The following RGS6 variants were observed in gnomAD, a reference collection of about 807,000 sequenced individuals.
RGS6 encodes the protein regulator of G protein signaling 6, also known as regulator of G-protein signaling 6.
In RGS6, 30 loss-of-function variants were observed where a neutral mutation model predicts 78.5. That is an observed-to-expected ratio of 0.38 (90% confidence interval 0.29 to 0.52). RGS6 has a LOEUF of 0.52. Among genes scored for constraint, RGS6 ranks in the 20% least tolerant of loss-of-function variants. RGS6 has a pLI of 0.85. For synonymous variants in RGS6, 206 were observed against 206.0 expected, an observed-to-expected ratio of 1.00 and a Z score of 0.00; for missense variants, 495 against 609.7, an observed-to-expected ratio of 0.81 and a Z score of 1.98.
chr14:72,222,627 G>C (rs1303119069), intron 2 of RGS6, among the ~76,000 whole-genome samples: 1 of 152,196 alleles, frequency 6.6e-6, no homozygotes, highest in African/African-American at 2.4e-5. Flanking sequence ...AAAACAAAAA[G>C]TCATTGATTC....
At chr14:72,399,318 A>G (rs1488757018) in intron 3 of RGS6, among the ~76,000 whole-genome samples, 2 of 151,724 alleles carry the variant, frequency 1.3e-5, no homozygotes, top group African/African-American at 4.9e-5. Flanking sequence ...ATCTTTGTTG[A>G]TTTAAAGTCT....
chr14:72,536,815 C>T (rs911538235), intron 16 of RGS6, among the ~76,000 whole-genome samples: 1 of 152,164 alleles, frequency 6.6e-6, no homozygotes, highest in African/African-American at 2.4e-5. Flanking sequence ...CCCTTCCTCT[C>T]CCGCACCTGC....
intron 2 of RGS6, among the ~76,000 whole-genome samples, chr14:72,308,023 T>C (rs1388755427): frequency 6.6e-6 from 1 of 152,212 alleles, no homozygotes; most frequent in African/African-American, 2.4e-5. Context: ...TTAAGGCTGC[T>C]GATTTCTAGA....
chr14:72,126,209 G>A (rs190150262), intron 2 of RGS6, among the ~76,000 whole-genome samples: 19 of 152,310 alleles, frequency 1.2e-4, no homozygotes, highest in Non-Finnish European at 2.6e-4. Context: ...TACTTCACAT[G>A]CTAACTTGTT....
At chr14:72,458,646 TAAAC>T (rs1301130713) in intron 5 of RGS6, among the ~76,000 whole-genome samples, 1 of 152,178 alleles carries the variant, frequency 6.6e-6, no homozygotes, top group African/African-American at 2.4e-5. Flanking sequence ...GGGTATCTTA[TAAAC>T]AAACAAACAA....
At position 72,303,406 on chromosome 14, in the gene RGS6, C is replaced by T. The variant is rs568689034; in HGVS notation, c.85-48689C>T. On this transcript the variant is annotated intron_variant, in intron 2 of 17. Transcript: ENST00000553525. ...ATCCCAGCTACTCAGGAGGCTGAGG[C>T]AGGAGAATTGCTTGAACCCAGGAGG... is the stretch of plus-strand genomic sequence containing the variant. Among the ~76,000 whole-genome samples the T allele has an allele frequency of 3.3e-5, 5 of 152,276 alleles. No individual in the cohort carries two copies. The East Asian group carries it at 9.7e-4, about 29-fold the overall frequency.
intron 2 of RGS6, among the ~76,000 whole-genome samples, chr14:72,196,671 A>T (rs193081660): frequency 2.0e-5 from 3 of 152,382 alleles, no homozygotes; most frequent in Admixed American, 1.3e-4. Context: ...CAAAAATGCC[A>T]TGGCAACTTT....
chr14:72,140,416 A>G (rs970367951), intron 2 of RGS6, among the ~76,000 whole-genome samples: 1 of 152,202 alleles, frequency 6.6e-6, no homozygotes, highest in Non-Finnish European at 1.5e-5. Context: ...ACCGTGTGCC[A>G]TTGAGATGGA....
chr14:72,063,290 G>A (rs1254024748), intron 2 of RGS6, among the ~76,000 whole-genome samples: 1 of 152,170 alleles, frequency 6.6e-6, no homozygotes, highest in Non-Finnish European at 1.5e-5. Context: ...CAAGTGAAGT[G>A]ATCCACAGCT....
At chr14:72,135,288 T>C (rs1264911586) in intron 2 of RGS6, among the ~76,000 whole-genome samples, 2 of 152,156 alleles carry the variant, frequency 1.3e-5, no homozygotes, top group Non-Finnish European at 1.5e-5. Context: ...GGTACTTTGG[T>C]GTCTTGAGGA....
Position 72,195,500 on chromosome 14 carries a change from G to T in RGS6, c.85-156595G>T, listed in dbSNP as rs1244970342. Among the ~76,000 whole-genome samples, 4 of 152,314 alleles carry T rather than the reference G, an allele frequency of 2.6e-5. No individual in the cohort carries two copies. In the East Asian group the frequency reaches 7.7e-4, roughly 29 times the overall value. The stretch of plus-strand genomic sequence containing the variant: ...GAAAAAAGAGGGCCCAGGGCCAGGG[G>T]CTACTGAGTCCTCAGAGTAGAGAGA... On this transcript the variant is annotated intron_variant, in intron 2 of 17. Coordinates refer to ENST00000553525, the MANE Select transcript of RGS6 (RefSeq NM_001204424.2).
chr14:72,243,118 G>A (rs2053346191), intron 2 of RGS6, among the ~76,000 whole-genome samples: 1 of 151,976 alleles, frequency 6.6e-6, no homozygotes, highest in African/African-American at 2.4e-5. Context: ...CCAAAGTGCT[G>A]GGATTATAGG....
chr14:72,103,672 T>G (rs1158266698), intron 2 of RGS6, among the ~76,000 whole-genome samples: 7 of 152,240 alleles, frequency 4.6e-5, no homozygotes, highest in African/African-American at 1.7e-4. Flanking sequence ...AAAGGTTTCT[T>G]ACCCAGATTG....
intron 12 of RGS6, among the ~76,000 whole-genome samples, chr14:72,493,949 G>A (rs2096611492): frequency 6.6e-6 from 1 of 152,198 alleles, no homozygotes; most frequent in Non-Finnish European, 1.5e-5. Context: ...CAATCAGGGA[G>A]TAAAAGCAAG....
the RGS6 span, among the ~76,000 whole-genome samples, chr14:71,883,623 A>G: frequency 2.0e-5 from 3 of 152,214 alleles, no homozygotes; most frequent in East Asian, 5.8e-4. Flanking sequence ...ATGAGAGAGG[A>G]GGTTGGCACA....
intron 5 of RGS6, 124 bp from the exon 6 acceptor site, chr14:72,459,508 T>C: frequency 1.2e-6 from 1 of 833,008 alleles, no homozygotes; most frequent in Non-Finnish European, 2.0e-6. Context: ...GAGAGAATTG[T>C]GGGGTAGCAT....
rs1309324672 is a variant in RGS6, at chr14:72,477,536, T to G, written c.792+696T>G. 2.0e-5 allele frequency among the ~76,000 whole-genome samples: 3 copies of G among 151,810 alleles called. No homozygotes were observed. In the South Asian group the frequency reaches 6.2e-4, roughly 32 times the overall value. ...GGCTCGGGGCTCGGTGGCCCACACCTGTAATCCCAGCACTTTGTGAGGCTG... is the reference window on the plus strand; with the variant it reads ...GGCTCGGGGCTCGGTGGCCCACACCGGTAATCCCAGCACTTTGTGAGGCTG... On this transcript the variant is annotated intron_variant, in intron 11 of 17. Transcript: ENST00000553525.
intron 2 of RGS6, among the ~76,000 whole-genome samples, chr14:71,986,873 A>G (rs2094733744): frequency 6.6e-6 from 1 of 152,102 alleles, no homozygotes; most frequent in Non-Finnish European, 1.5e-5. Context: ...TCCCTAAGTC[A>G]TAGCCCCACA....
chr14:72,266,296 C>T (rs773384623), intron 2 of RGS6, among the ~76,000 whole-genome samples: 2 of 152,140 alleles, frequency 1.3e-5, no homozygotes, highest in Non-Finnish European at 2.9e-5. Flanking sequence ...GTAGTCAGAC[C>T]TCTTTCAGGT....
Sources: gnomAD v4.1 joint callset for allele counts (sites outside exome capture counted in the v4.1 genomes callset) on GRCh38, gnomAD v4.1.1 for gene constraint, MANE v1.5 for transcripts, NCBI Gene and HGNC (gene_info 2026-07-23, HGNC 2026-07-21) for gene names.